KAZN: variants seen among roughly 807,000 people sequenced by gnomAD.
KAZN encodes kazrin.
In KAZN, 40 loss-of-function variants were observed where a neutral mutation model predicts 87.4. That is an observed-to-expected ratio of 0.46 (90% CI 0.36 to 0.60). The LOEUF is 0.60. Ranked by LOEUF, KAZN falls within the 20% of genes least tolerant of loss-of-function variation. The pLI is 0.00. For synonymous variants in KAZN, 466 were observed against 458.3 expected (o/e 1.02, Z -0.22); for missense variants, 898 against 1,073.9 (o/e 0.84, Z 2.29).
At chr1:14,723,350 C>T (rs971054219) in intron 1 of KAZN, among the ~76,000 whole-genome samples, 4 of 152,132 alleles carry the variant, frequency 2.6e-5, no homozygotes, top group Admixed American at 1.3e-4. Context: ...AGCCCCCCAA[C>T]TGTGACAGTG....
Position 14,943,084 on chromosome 1 carries a change from TTA to T in KAZN, c.227-17599_227-17598del, listed in dbSNP as rs1163399424. On this transcript the variant is annotated intron_variant, in intron 1 of 14. Coordinates refer to ENST00000376030, the MANE Select transcript of KAZN (RefSeq NM_201628.3). Reference sequence around the variant, plus strand: ...GAGAGCCTTGGGTTTTTTTTTTTTTTTAATTTACATTTTTCGAATAGTTTTCT... The same window carrying T: ...GAGAGCCTTGGGTTTTTTTTTTTTTTATTTACATTTTTCGAATAGTTTTCT... Among the ~76,000 whole-genome samples the T allele has an allele frequency of 2.8e-3, 403 of 144,184 alleles. 2 individuals carry two copies. Among genetic ancestry groups the T allele is most frequent in the Non-Finnish European group, 4.3e-3 (284 of 66,530 alleles). 94.6% of individuals were successfully genotyped at this position (144,184 alleles called of 152,430 possible).
At chr1:14,519,005 A>G (rs1289834143) in intron 2 of KAZN, among the ~76,000 whole-genome samples, 13 of 152,076 alleles carry the variant, frequency 8.5e-5, no homozygotes, top group Non-Finnish European at 1.9e-4. Flanking sequence ...TGAGGCAAGT[A>G]TTTTGCCTTC....
At chr1:14,020,958 C>T (rs945158056) in intron 1 of KAZN, among the ~76,000 whole-genome samples, 1 of 152,132 alleles carries the variant, frequency 6.6e-6, no homozygotes, top group African/African-American at 2.4e-5. Flanking sequence ...CATGAATCCT[C>T]TTGTGGCTGC....
rs906449960 is a variant in KAZN, at chr1:14,277,199, A to G, written c.249+96607A>G. Among the ~76,000 whole-genome samples the G allele has an allele frequency of 2.6e-5, 4 of 152,290 alleles. No homozygotes were observed. The South Asian group carries it at 8.3e-4, about 32-fold the overall frequency. On this transcript the variant is annotated intron_variant, in intron 2 of 16. Transcript: ENST00000636203. ...AAATTAACAACGTATGGCCAATTGT[A>G]TTTTGTCTATTACACACCCAACCCT...
intron 3 of KAZN, among the ~76,000 whole-genome samples, chr1:15,040,495 G>T (rs1672776644): frequency 6.6e-6 from 1 of 152,212 alleles, no homozygotes; most frequent in South Asian, 2.1e-4. Flanking sequence ...ACCCAGCATG[G>T]TGGCTCATGC....
At chr1:13,912,783 C>A (rs12740709) in intron 1 of KAZN, among the ~76,000 whole-genome samples, 72,167 of 151,640 alleles carry the variant, frequency 0.48, 17,590 homozygotes, top group East Asian at 0.69. Flanking sequence ...TTTTGCAGAG[C>A]TGAGGTTTCA....
At chr1:14,744,393 A>G (rs1644203563) in intron 1 of KAZN, among the ~76,000 whole-genome samples, 2 of 150,856 alleles carry the variant, frequency 1.3e-5, no homozygotes, top group Non-Finnish European at 2.9e-5. Flanking sequence ...TGATGGTGGT[A>G]GTTTTTTTTG....
At chr1:14,355,591 C>A (rs1658953450) in intron 2 of KAZN, among the ~76,000 whole-genome samples, 1 of 152,098 alleles carries the variant, frequency 6.6e-6, no homozygotes, top group Admixed American at 6.5e-5. Flanking sequence ...ATCTCCCAAC[C>A]CCCAACAGGC....
intron 1 of KAZN, among the ~76,000 whole-genome samples, chr1:14,614,780 T>G (rs1462653009): frequency 6.6e-6 from 1 of 152,050 alleles, no homozygotes; most frequent in Non-Finnish European, 1.5e-5. Flanking sequence ...GCCTCCCGGG[T>G]TTTTGTATGA....
intron 1 of KAZN, among the ~76,000 whole-genome samples, chr1:14,919,400 C>T (rs1405643491): frequency 6.6e-6 from 1 of 152,194 alleles, no homozygotes; most frequent in East Asian, 1.9e-4. Flanking sequence ...TGGTCTCGAA[C>T]GCCTGACCTC....
intron 2 of KAZN, among the ~76,000 whole-genome samples, chr1:14,325,702 C>A (rs963838255): frequency 2.0e-5 from 3 of 152,260 alleles, no homozygotes; most frequent in South Asian, 2.1e-4. Flanking sequence ...GAAGAAAGAA[C>A]TCAGCAAACT....
chr1:14,408,743 G>C (rs1038883407), intron 2 of KAZN, among the ~76,000 whole-genome samples: 1 of 152,134 alleles, frequency 6.6e-6, no homozygotes, highest in African/African-American at 2.4e-5. Flanking sequence ...GAATTTGGGG[G>C]GAGAAAGGAC....
At chr1:15,110,163 GTT>G (rs1481159125) in intron 13 of KAZN, among the ~76,000 whole-genome samples, 3 of 145,540 alleles carry the variant, frequency 2.1e-5, no homozygotes, top group Non-Finnish European at 4.5e-5. Context: ...GTGCATATGT[GTT>G]TGTGTGTGTA....
At chr1:14,774,468 A>ATTTTTTTTT (rs35723980) in intron 1 of KAZN, among the ~76,000 whole-genome samples, 1 of 131,286 alleles carries the variant, frequency 7.6e-6, no homozygotes, top group African/African-American at 2.9e-5. Flanking sequence ...TCTTGAACAG[A>ATTTTTTTTT]TTTTTTTTTT....
chr1:15,022,882 A>C (rs540882019), intron 2 of KAZN, among the ~76,000 whole-genome samples: 1 of 152,318 alleles, frequency 6.6e-6, no homozygotes, highest in East Asian at 1.9e-4. Context: ...CAGCTGGAGA[A>C]CCAGGGAAGG....
chr1:14,125,754 A>G (rs1360758030), intron 1 of KAZN, among the ~76,000 whole-genome samples: 2 of 152,096 alleles, frequency 1.3e-5, no homozygotes, highest in Non-Finnish European at 2.9e-5. Flanking sequence ...AATGCAGTGG[A>G]AAAAAGCATC....
Position 14,378,763 on chromosome 1 carries a change from C to T in KAZN, c.249+198171C>T, listed in dbSNP as rs143078602. On this transcript the variant is annotated intron_variant, in intron 2 of 16. Transcript: ENST00000636203. ...ACTTGAGTTCTGGCAAGCCTTTCCA[C>T]TGAAGACTAAAATGCTCTGAAACTC... 4.3e-4 allele frequency among the ~76,000 whole-genome samples: 66 copies of T among 152,276 alleles called. No individual in the cohort carries two copies. In the East Asian group the frequency reaches 0.011, roughly 26 times the overall value.
chr1:14,572,591 C>T (rs1241266896), intron 2 of KAZN, among the ~76,000 whole-genome samples: 2 of 152,198 alleles, frequency 1.3e-5, no homozygotes, highest in African/African-American at 4.8e-5. Context: ...CGGCTGGCTT[C>T]TTGTGCGCTT....
chr1:14,506,005 G>T (rs1032399980), intron 2 of KAZN, among the ~76,000 whole-genome samples: 7 of 152,284 alleles, frequency 4.6e-5, no homozygotes, highest in Admixed American at 4.6e-4. Flanking sequence ...GAATGGTGGT[G>T]ATGGTTGCTC....
Sources: allele counts gnomAD v4.1 joint callset (sites outside exome capture counted in the v4.1 genomes callset), GRCh38; gene constraint gnomAD v4.1.1; transcripts MANE v1.5; gene names NCBI Gene and HGNC (gene_info 2026-07-23, HGNC 2026-07-21).